The following HSD11B1L variants were observed in gnomAD, a reference collection of about 807,000 sequenced individuals.
HSD11B1L encodes hydroxysteroid 11-beta dehydrogenase 1 like.
HSD11B1L carries 22 observed loss-of-function variants against 27.0 expected under a neutral mutation model. The observed-to-expected ratio is 0.81, with a 90% CI of 0.58 to 1.16. HSD11B1L has a LOEUF of 1.16. HSD11B1L is among the 50% of genes most tolerant of loss of function. The pLI is 0.00. For synonymous variants in HSD11B1L, 187 were observed against 189.2 expected (o/e 0.99, Z 0.09); for missense variants, 372 against 401.8 (o/e 0.93, Z 0.63).
At position 5,687,653 on chromosome 19, in the gene HSD11B1L, C is replaced by T; in HGVS notation, c.653C>T (p.Ala218Val). 6.3e-7 allele frequency: 1 copy of T among 1,587,460 alleles called. No individual in the cohort carries two copies. Among genetic ancestry groups the T allele is most frequent in the Non-Finnish European group, 8.5e-7 (1 of 1,172,654 alleles). Residue 218 changes from alanine (A) to valine (V), a missense_variant, in exon 7 of 8, where the codon GCC becomes GTC. Ala to Val is a moderately conservative substitution (Grantham distance 64, BLOSUM62 0). Transcript: ENST00000339423. The surrounding 1 kb of genome is among the most constrained non-coding windows in gnomAD (Gnocchi z 6.6). ...CVLGLRDRAS[A>V]AEAVRGVTRV... ...CTGGGCCTCCGAGATCGCGCCTCCG[C>T]CGCCGAGGCAGTCAGGTGAGGCCCG...
rs766719521 is a variant in HSD11B1L, at chr19:5,685,482, C to T, written c.204+363C>T. On this transcript the variant is annotated intron_variant, in intron 3 of 7. Transcript: ENST00000339423. The surrounding 1 kb of genome is among the most constrained non-coding windows in gnomAD (Gnocchi z 4.3). ...ATCCTAGCACTTTGGGAGGCCAAGG[C>T]GGATGGATCACTTGAGGTCAGGAGT... 2.3e-5 allele frequency: 8 copies of T among 355,438 alleles called. No individual in the cohort carries two copies. The highest frequency in any genetic ancestry group is 7.5e-5 in the East Asian group (1 of 13,304). 22.0% of individuals were successfully genotyped at this position (355,438 alleles called of 1,614,324 possible). A position where few individuals can be genotyped will look rare whatever the true frequency, so the allele number is the denominator to read the frequency against.
rs1390686982 is a variant in HSD11B1L at position 5,681,160 on chromosome 19, C to T, written c.-126C>T. ...CGTGCCCTACGGGAGGGGGTGCGGT[C>T]GGGGACCCGGCAGGAGGCGGCCGAG... On this transcript the variant is annotated 5_prime_UTR_variant, in exon 1 of 8. Coordinates refer to ENST00000339423, the MANE Select transcript of HSD11B1L (RefSeq NM_198706.3). The T allele has an allele frequency of 2.0e-5, 3 of 152,374 alleles. No homozygotes were observed. Among genetic ancestry groups the T allele is most frequent in the Non-Finnish European group, 4.4e-5 (3 of 68,080 alleles). 9.4% of individuals were successfully genotyped at this position (152,374 alleles called of 1,614,324 possible).
chr19:5,688,006 A>G lies in HSD11B1L; in HGVS notation c.*61A>G. On this transcript the variant is annotated 3_prime_UTR_variant, in exon 8 of 8. Transcript: ENST00000339423. ...TGTTCCTCCCTCCAACTGTCCCTGGAGCCAGAACACTCACAGAGACACCCC... is the reference window on the plus strand; with the variant it reads ...TGTTCCTCCCTCCAACTGTCCCTGGGGCCAGAACACTCACAGAGACACCCC... The G allele has an allele frequency of 1.3e-6, 2 of 1,551,540 alleles. No homozygotes were observed. Among genetic ancestry groups the G allele is most frequent in the Non-Finnish European group, 1.7e-6 (2 of 1,147,048 alleles).
intron 1 of HSD11B1L, among the ~76,000 whole-genome samples, chr19:5,681,620 G>T (rs551339664): frequency 5.5e-4 from 83 of 149,630 alleles, no homozygotes; most frequent in Non-Finnish European, 2.2e-4. Flanking sequence ...TCATCTATCC[G>T]TCCATCCATC....
In HSD11B1L at chr19:5,685,013, T is replaced by C; in HGVS notation, c.98T>C (p.Leu33Pro). 6.3e-7 allele frequency: 1 copy of C among 1,594,212 alleles called. No homozygotes were observed. The highest frequency in any genetic ancestry group is 8.5e-7 in the Non-Finnish European group (1 of 1,170,266). ...DPASLQGARV[L>P]LTGANAGVGE... The stretch of plus-strand genomic sequence containing the variant: ...GCCAGCCTCCAGGGAGCGCGAGTGC[T>C]GCTGACAGGGGCCAACGCTGGTGTT... The change falls in exon 3 of 8, where the codon CTG (leucine) becomes CCG (proline). Residue 33 changes from leucine to proline, a missense_variant. Physicochemically the swap from Leu to Pro is moderately conservative, Grantham distance 98. Coordinates refer to ENST00000339423, the MANE Select transcript of HSD11B1L (RefSeq NM_198706.3). The surrounding 1 kb of genome is among the most constrained non-coding windows in gnomAD (Gnocchi z 4.3).
Position 5,684,821 on chromosome 19 carries a change from C to A in HSD11B1L, c.-12C>A. On this transcript the variant is annotated splice_region_variant and 5_prime_UTR_variant, in exon 2 of 8. Transcript: ENST00000339423. ...CTCTGTCCCCTGTCCCTCTGCAGGC[C>A]CACACAGGACCATGAAGGTGCTTCT... 8 of 1,613,672 alleles carry A rather than the reference C, an allele frequency of 5.0e-6. No homozygotes were observed. Among genetic ancestry groups the A allele is most frequent in the Non-Finnish European group, 6.8e-6 (8 of 1,179,976 alleles).
At chr19:5,682,853 T>C (rs1245839910) in intron 1 of HSD11B1L, among the ~76,000 whole-genome samples, 1 of 144,796 alleles carries the variant, frequency 6.9e-6, no homozygotes, top group Non-Finnish European at 1.5e-5. Context: ...AGTCTCACTC[T>C]GTTGCCCAGG....
At position 5,688,299 on chromosome 19, in the gene HSD11B1L, TTAAG is replaced by T. The variant is rs2054765027; in HGVS notation, c.*356_*359del. The T allele has an allele frequency of 1.1e-6, 1 of 948,800 alleles. No homozygotes were observed. Among genetic ancestry groups the T allele is most frequent in the East Asian group, 2.6e-5 (1 of 38,154 alleles). 58.8% of individuals were successfully genotyped at this position (948,800 alleles called of 1,614,324 possible). A position where few individuals can be genotyped will look rare whatever the true frequency, so the allele number is the denominator to read the frequency against. ...CCCTCTCCATCTCCTGCCTGCGCCT[TTAAG>T]TCCCTGATTTATTCTTTCCATTCAT... is the stretch of plus-strand genomic sequence containing the variant. On this transcript the variant is annotated 3_prime_UTR_variant, in exon 8 of 8. Coordinates refer to ENST00000339423, the MANE Select transcript of HSD11B1L (RefSeq NM_198706.3).
Position 5,687,647 on chromosome 19 carries a change from C to T in HSD11B1L, c.647C>T (p.Ala216Val). Residue 216 changes from alanine (A) to valine (V), a missense_variant, in exon 7 of 8, where the codon GCC becomes GTC. Coordinates refer to ENST00000339423, the MANE Select transcript of HSD11B1L (RefSeq NM_198706.3). The surrounding 1 kb of genome is among the most constrained non-coding windows in gnomAD (Gnocchi z 6.6). ...TMCVLGLRDR[A>V]SAAEAVRGVT... ...TGCGTCCTGGGCCTCCGAGATCGCG[C>T]CTCCGCCGCCGAGGCAGTCAGGTGA... is the stretch of plus-strand genomic sequence containing the variant. 1 of 1,589,668 alleles carries T rather than the reference C, an allele frequency of 6.3e-7. No individual in the cohort carries two copies. The highest frequency in any genetic ancestry group is 1.3e-5 in the African/African-American group (1 of 74,652).
chr19:5,684,761 CA>C lies in HSD11B1L; in HGVS notation c.-14-57del, dbSNP rs561588433. On this transcript the variant is annotated intron_variant, in intron 1 of 7. Transcript: ENST00000339423. ...GTGGCATCACCAAACACCCACCAAA[CA>C]CGGGTGGCTGTGGGCCAGGCCTGTG... is the stretch of plus-strand genomic sequence containing the variant. 2,501 of 1,608,980 alleles carry C rather than the reference CA, an allele frequency of 1.6e-3. 1 individual carries two copies. Among genetic ancestry groups the C allele is most frequent in the Non-Finnish European group, 1.8e-3 (2,120 of 1,177,662 alleles).
intron 3 of HSD11B1L, 75 bp from the exon 4 acceptor site, chr19:5,686,341 A>G: frequency 6.8e-6 from 7 of 1,034,702 alleles, no homozygotes; most frequent in Non-Finnish European, 9.8e-6. Flanking sequence ...GGGCCTCCCT[A>G]TGGCCAGCAG....
chr19:5,686,822 TG>T, intron 4 of HSD11B1L, 77 bp from the exon 5 acceptor site: 1 of 1,229,426 alleles, frequency 8.1e-7, no homozygotes, highest in Non-Finnish European at 1.1e-6. Flanking sequence ...GCGCTCTGGG[TG>T]GAGCTAAGCT....
In HSD11B1L at chr19:5,687,113, C is replaced by A; in HGVS notation, c.408+122C>A. 8.9e-7 allele frequency: 1 copy of A among 1,125,946 alleles called. No homozygotes were observed. The highest frequency in any genetic ancestry group is 1.3e-6 in the Non-Finnish European group (1 of 790,390). 69.7% of individuals were successfully genotyped at this position (1,125,946 alleles called of 1,614,324 possible). On this transcript the variant is annotated intron_variant, in intron 5 of 7. Coordinates refer to ENST00000339423, the MANE Select transcript of HSD11B1L (RefSeq NM_198706.3). The surrounding 1 kb of genome is among the most constrained non-coding windows in gnomAD (Gnocchi z 6.6). ...CTCTCCACCCGTCCCGCCCCAGCCA[C>A]GCCCCTCCTAGCCCAAGCCCCTGCT...
chr19:5,685,753 A>C lies in HSD11B1L; in HGVS notation c.204+634A>C, dbSNP rs1043389566. On this transcript the variant is annotated intron_variant, in intron 3 of 7. Coordinates refer to ENST00000339423, the MANE Select transcript of HSD11B1L (RefSeq NM_198706.3). The surrounding 1 kb of genome is among the most constrained non-coding windows in gnomAD (Gnocchi z 4.3). ...ACTCCATCTCAAAAAAAAGAAAAAAAAAAATTAGGGCATGGTGGCGCGAGC... is the reference window on the plus strand; with the variant it reads ...ACTCCATCTCAAAAAAAAGAAAAAACAAAATTAGGGCATGGTGGCGCGAGC... Among the ~76,000 whole-genome samples the C allele has an allele frequency of 2.0e-5, 3 of 151,310 alleles. No homozygotes were observed. Among genetic ancestry groups the C allele is most frequent in the Non-Finnish European group, 4.4e-5 (3 of 67,742 alleles).
At chr19:5,686,750 AGGCCAAGGCT>A (rs1324105121) in intron 4 of HSD11B1L, 140 bp from the exon 5 acceptor site, 1 of 723,330 alleles carries the variant, frequency 1.4e-6, no homozygotes, top group East Asian at 2.8e-5. Context: ...CCAGGGTGTA[AGGCCAAGGCT>A]GGGTGTCTTT....
In HSD11B1L at chr19:5,681,074, G is replaced by T. The variant is rs1243098900; in HGVS notation, c.-212G>T. The T allele has an allele frequency of 6.6e-6, 1 of 152,538 alleles. No homozygotes were observed. The highest frequency in any genetic ancestry group is 2.4e-5 in the African/African-American group (1 of 41,428). 9.4% of individuals were successfully genotyped at this position (152,538 alleles called of 1,614,324 possible). On this transcript the variant is annotated 5_prime_UTR_variant, in exon 1 of 8. Transcript: ENST00000339423. ...GGCACTGTTGCCCGGCGACGCTCCG[G>T]CGCTGGGTCCCCGAGGCCCGGCCCC...
Position 5,688,158 on chromosome 19 carries a change from G to A in HSD11B1L, c.*213G>A. ...GTGCCCCGTGTTAGGCGCCTTTGTCGGGGACTTGCAAGGCCTCACCTGTTT... is the reference window on the plus strand; with the variant it reads ...GTGCCCCGTGTTAGGCGCCTTTGTCAGGGACTTGCAAGGCCTCACCTGTTT... On this transcript the variant is annotated 3_prime_UTR_variant, in exon 8 of 8. Transcript: ENST00000339423. 1.9e-6 allele frequency: 3 copies of A among 1,550,780 alleles called. No homozygotes were observed. The highest frequency in any genetic ancestry group is 2.6e-6 in the Non-Finnish European group (3 of 1,146,930).
Position 5,687,479 on chromosome 19 carries a change from A to G in HSD11B1L, c.503-24A>G. ...CTTCCCGGACGAGGGGGAGCCACTC[A>G]GCCGCTGCCGTCCGCGCCCCCAGGC... On this transcript the variant is annotated intron_variant, in intron 6 of 7. Coordinates refer to ENST00000339423, the MANE Select transcript of HSD11B1L (RefSeq NM_198706.3). This position sits in a 1 kb window ranked among gnomAD's most constrained non-coding sequence, Gnocchi z 6.6. 2 of 1,588,130 alleles carry G rather than the reference A, an allele frequency of 1.3e-6. No individual in the cohort carries two copies. The highest frequency in any genetic ancestry group is 1.7e-6 in the Non-Finnish European group (2 of 1,172,408).
At position 5,687,878 on chromosome 19, in the gene HSD11B1L, G is replaced by C; in HGVS notation, c.794G>C (p.Arg265Pro). The C allele has an allele frequency of 6.3e-7, 1 of 1,580,322 alleles. No homozygotes were observed. The highest frequency in any genetic ancestry group is 8.6e-7 in the Non-Finnish European group (1 of 1,164,168). The change falls in exon 8 of 8, where the codon CGC (arginine) becomes CCC (proline). Residue 265 changes from arginine (R) to proline (P), a missense_variant. Arg to Pro is a moderately radical substitution (Grantham distance 103). Transcript: ENST00000339423. The surrounding 1 kb of genome is among the most constrained non-coding windows in gnomAD (Gnocchi z 6.6). ...TTCCGCCTGCTGTGCTTGCTCCGGC[G>C]CTGGCTACCGCGCCCGCGGGCCTGG... ...WRFRLLCLLR[R>P]WLPRPRAWFI...
Sources: gnomAD v4.1 joint callset for allele counts (sites outside exome capture counted in the v4.1 genomes callset) on GRCh38, gnomAD v4.1.1 for gene constraint, Gnocchi (gnomAD v3.1) non-coding constraint, MANE v1.5 for transcripts, NCBI Gene and HGNC (gene_info 2026-07-23, HGNC 2026-07-21) for gene names.